The following SCMH1 variants were observed in gnomAD, a reference collection of about 807,000 sequenced individuals.
The protein encoded by SCMH1 is Scm polycomb group protein homolog 1, also known as polycomb protein SCMH1.
SCMH1 carries 37 observed loss-of-function variants against 70.8 expected under a neutral mutation model. The observed-to-expected ratio is 0.52, with a 90% CI of 0.40 to 0.69. The LOEUF is 0.69. Among genes scored for constraint, SCMH1 ranks in the 30% least tolerant of loss-of-function variants. The pLI, the probability that SCMH1 is intolerant of heterozygous loss-of-function variation, is 0.00. For missense variants in SCMH1, 607 were observed against 827.3 expected, an observed-to-expected ratio of 0.73 and a Z score of 3.27; for synonymous variants, 292 against 307.4, an observed-to-expected ratio of 0.95 and a Z score of 0.52.
intron 5 of SCMH1, among the ~76,000 whole-genome samples, chr1:41,143,873 C>T (rs1644321871): frequency 6.6e-6 from 1 of 152,174 alleles, no homozygotes; most frequent in Non-Finnish European, 1.5e-5. Context: ...TAGCTTCTTT[C>T]ACTCAGCATA....
intron 2 of SCMH1, among the ~76,000 whole-genome samples, chr1:41,178,203 C>A (rs1298979276): frequency 1.3e-5 from 2 of 152,122 alleles, no homozygotes; most frequent in African/African-American, 4.8e-5. Context: ...GATTTTGTCA[C>A]CACCAGGACT....
At chr1:41,205,137 C>T (rs377358628) in intron 1 of SCMH1, among the ~76,000 whole-genome samples, 24 of 152,274 alleles carry the variant, frequency 1.6e-4, no homozygotes, top group African/African-American at 4.8e-4. Context: ...ATGCAGAATA[C>T]GGGTGATTTC....
intron 1 of SCMH1, among the ~76,000 whole-genome samples, chr1:41,228,274 A>G (rs769397994): frequency 2.6e-5 from 4 of 152,182 alleles, no homozygotes; most frequent in Non-Finnish European, 4.4e-5. Context: ...AATGGGATGT[A>G]TAATTATTGT....
chr1:41,158,338 C>T (rs1645729881), intron 4 of SCMH1, among the ~76,000 whole-genome samples: 2 of 152,080 alleles, frequency 1.3e-5, no homozygotes, highest in Admixed American at 1.3e-4. Context: ...TAAACAGTCA[C>T]CACTAAGATA....
At chr1:41,168,870 C>T (rs1373708354) in intron 2 of SCMH1, among the ~76,000 whole-genome samples, 1 of 152,054 alleles carries the variant, frequency 6.6e-6, no homozygotes, top group Non-Finnish European at 1.5e-5. Context: ...CACATTCCAT[C>T]AATACCCCCA....
intron 2 of SCMH1, among the ~76,000 whole-genome samples, chr1:41,176,348 G>T (rs1647136098): frequency 6.6e-6 from 1 of 152,190 alleles, no homozygotes; most frequent in South Asian, 2.1e-4. Context: ...GGTGATTTCT[G>T]CATTTCCAAC....
chr1:41,186,243 T>C (rs1007214112), exon 2 of SCMH1: 1 of 683,560 alleles, frequency 1.5e-6, no homozygotes, highest in Non-Finnish European at 2.7e-6. Context: ...GTATGCTAAT[T>C]TCTCCATCTG....
intron 1 of SCMH1, among the ~76,000 whole-genome samples, chr1:41,229,549 T>G (rs1001428983): frequency 6.6e-6 from 1 of 151,962 alleles, no homozygotes; most frequent in Non-Finnish European, 1.5e-5. Context: ...ATGAGAACAC[T>G]TGGACACAGG....
At chr1:41,089,424 T>C (rs918332532) in intron 8 of SCMH1, among the ~76,000 whole-genome samples, 6 of 152,228 alleles carry the variant, frequency 3.9e-5, no homozygotes, top group Non-Finnish European at 5.9e-5. Flanking sequence ...CTATTAGCAG[T>C]CCATGAGCTA....
intron 8 of SCMH1, among the ~76,000 whole-genome samples, chr1:41,091,139 A>T (rs978735363): frequency 1.3e-5 from 2 of 152,140 alleles, no homozygotes; most frequent in African/African-American, 4.8e-5. Flanking sequence ...ATCCTCAATA[A>T]AATACTGGCA....
intron 5 of SCMH1, among the ~76,000 whole-genome samples, chr1:41,147,364 A>T (rs1412853642): frequency 1.3e-5 from 2 of 152,206 alleles, no homozygotes; most frequent in African/African-American, 4.8e-5. Context: ...TTCACCATTA[A>T]GTAAGATATT....
chr1:41,140,777 A>ATGAACC (rs1409480473), intron 6 of SCMH1, among the ~76,000 whole-genome samples: 7 of 152,174 alleles, frequency 4.6e-5, no homozygotes. Context: ...AATATATAAG[A>ATGAACC]TGAACCTGGA....
chr1:41,142,374 AGT>A, intron 6 of SCMH1, among the ~76,000 whole-genome samples: 1 of 152,208 alleles, frequency 6.6e-6, no homozygotes, highest in South Asian at 2.1e-4. Context: ...AGAAAAACCT[AGT>A]GAGGTTATTA....
exon 9 of SCMH1, chr1:41,075,243 C>T: frequency 6.2e-7 from 1 of 1,614,154 alleles, no homozygotes; most frequent in Admixed American, 1.7e-5. Context: ...TGGGACCTCT[C>T]TTCTTTGGGA....
chr1:41,172,197 A>AC (rs1646833960), intron 2 of SCMH1, among the ~76,000 whole-genome samples: 1 of 151,930 alleles, frequency 6.6e-6, no homozygotes, highest in Non-Finnish European at 1.5e-5. Context: ...AAAAAAAAAA[A>AC]AAAACGCTGT....
At chr1:41,079,482 G>T (rs537834430) in intron 8 of SCMH1, among the ~76,000 whole-genome samples, 18 of 152,186 alleles carry the variant, frequency 1.2e-4, no homozygotes, top group Admixed American at 9.8e-4. Flanking sequence ...CTAACCAAAA[G>T]AAAACTAATA....
At chr1:41,053,832 T>TTTTTTTTTTGTTTTG (rs1274509045) in intron 10 of SCMH1, among the ~76,000 whole-genome samples, 6 of 147,170 alleles carry the variant, frequency 4.1e-5, no homozygotes, top group Non-Finnish European at 6.0e-5. Context: ...AGCCTAAAGG[T>TTTTTTTTTTGTTTTG]TTTTTTTTTG....
At chr1:41,197,568 C>T (rs553692636) in intron 1 of SCMH1, among the ~76,000 whole-genome samples, 1 of 152,058 alleles carries the variant, frequency 6.6e-6, no homozygotes, top group East Asian at 1.9e-4. Flanking sequence ...TTAATGCGTA[C>T]AGAATTTCTA....
chr1:41,070,177 A>G (rs973557595), intron 10 of SCMH1, among the ~76,000 whole-genome samples: 1 of 152,190 alleles, frequency 6.6e-6, no homozygotes, highest in Non-Finnish European at 1.5e-5. Context: ...CAATAAGTCA[A>G]CCTTACTTTC....
Sources: gnomAD v4.1 joint callset for allele counts (sites outside exome capture counted in the v4.1 genomes callset) on GRCh38, gnomAD v4.1.1 for gene constraint, MANE v1.5 for transcripts, NCBI Gene and HGNC (gene_info 2026-07-23, HGNC 2026-07-21) for gene names.